The following TTN variants were observed in gnomAD, a reference collection of about 807,000 sequenced individuals.
TTN encodes the protein titin.
In TTN, 1,525 loss-of-function variants were observed where a neutral mutation model predicts 3,223.0. The observed-to-expected ratio is 0.47, with a 90% CI of 0.45 to 0.49. The LOEUF (loss-of-function observed/expected upper bound fraction) is 0.49, where lower values mean the gene tolerates loss of function less well. Ranked by LOEUF, TTN falls within the 20% of genes least tolerant of loss-of-function variation. The probability of loss-of-function intolerance (pLI) is 0.00; values close to 1 mark genes in which losing one functional copy is unlikely to be tolerated. For missense variants in TTN, 40,786 were observed against 43,424.0 expected (o/e 0.94, Z 5.40); for synonymous variants, 14,094 against 15,161.0 (o/e 0.93, Z 5.17).
At chr2:178,697,763 A>G (rs528867623) in intron 112 of TTN, among the ~76,000 whole-genome samples, 1 of 152,328 alleles carries the variant, frequency 6.6e-6, no homozygotes, top group East Asian at 1.9e-4. Flanking sequence ...GGATATATTG[A>G]AAGTTAAAGT....
chr2:178,566,791 T>C lies in TTN; in HGVS notation c.79341A>G (p.Arg26447=). 1 of 1,613,426 alleles carries C rather than the reference T, an allele frequency of 6.2e-7. No homozygotes were observed. The highest frequency in any genetic ancestry group is 8.5e-7 in the Non-Finnish European group (1 of 1,179,694). ...NKRRITDLRL[R]VTGLTEDHEY... ...CATGATCTTCTGTTAATCCTGTCACTCTTAGACGCAAATCTGTAATGCGGC... is the reference window on the plus strand; with the variant it reads ...CATGATCTTCTGTTAATCCTGTCACCCTTAGACGCAAATCTGTAATGCGGC... Residue 26447 remains arginine, a synonymous_variant, in exon 326 of 363, where the codon AGA becomes AGG. Transcript: ENST00000589042.
intron 210 of TTN, 124 bp from the exon 211 acceptor site, chr2:178,650,018 T>C: frequency 7.6e-7 from 1 of 1,316,404 alleles, no homozygotes; most frequent in Admixed American, 2.4e-5. Flanking sequence ...GGGTCCAAAG[T>C]TTTATGTGTA....
In TTN at chr2:178,718,795, C is replaced by T. The variant is rs1157930943; in HGVS notation, c.24405G>A (p.Leu8135=). 1.2e-6 allele frequency: 2 copies of T among 1,613,660 alleles called. No individual in the cohort carries two copies. The highest frequency in any genetic ancestry group is 2.2e-5 in the East Asian group (1 of 44,870). The change falls in exon 84 of 363, where the codon CTG becomes CTA. Residue 8135 remains leucine, a synonymous_variant. Transcript: ENST00000589042. ...NISLEDFVTE[L]ELFEVQPLES... is the part of the protein sequence containing the mutation. ...CTAATGGCTGCACCTCAAACAACTC[C>T]AGTTCTGTGACAAAATCTTCCAGAG...
intron 160 of TTN, 47 bp downstream of exon 160, chr2:178,667,591 G>A (rs2066196697): frequency 1.3e-6 from 2 of 1,577,078 alleles, no homozygotes. Context: ...TTTTAAAAGG[G>A]GCCAAAAAAT....
intron 259 of TTN, 78 bp from the exon 260 acceptor site, chr2:178,615,046 A>T: frequency 7.8e-7 from 1 of 1,282,068 alleles, no homozygotes; most frequent in South Asian, 1.4e-5. Context: ...ATCTTTCAAA[A>T]ATTCAAACCC....
At chr2:178,778,734 G>T in intron 24 of TTN, 140 bp downstream of exon 24, 1 of 1,196,654 alleles carries the variant, frequency 8.4e-7, no homozygotes. Flanking sequence ...AAAACTTCTG[G>T]CAATTGTTGG....
chr2:178,551,043 T>TCCAACAGC lies in TTN; in HGVS notation c.91487_91488insGCTGTTGG (p.Ile30496MetfsTer13). 6.2e-7 allele frequency: 1 copy of TCCAACAGC among 1,613,416 alleles called. No homozygotes were observed. The highest frequency in any genetic ancestry group is 8.5e-7 in the Non-Finnish European group (1 of 1,179,622). ...TAGTTCCAACAGCATTTCTTGCAAT[T>TCCAACAGC]ATTCTGAACTCATAGCGATCCCCAG... is the stretch of plus-strand genomic sequence containing the variant. On this transcript the variant is annotated frameshift_variant, in exon 336 of 363. Coordinates refer to ENST00000589042, the MANE Select transcript of TTN (RefSeq NM_001267550.2). LOFTEE classifies it high-confidence loss of function.
At chr2:178,779,838 G>A in intron 22 of TTN, 162 bp downstream of exon 22, 4 of 667,694 alleles carry the variant, frequency 6.0e-6, no homozygotes, top group Non-Finnish European at 1.0e-5. Flanking sequence ...AAACTCACAG[G>A]TGCAACATAC....
chr2:178,758,004 T>C, intron 44 of TTN, 88 bp from the exon 45 acceptor site: 3 of 1,396,246 alleles, frequency 2.1e-6, no homozygotes, highest in Non-Finnish European at 2.9e-6. Flanking sequence ...GTCACAAATT[T>C]CAATAATGGA....
intron 18 of TTN, 49 bp from the exon 19 acceptor site, chr2:178,782,651 C>T (rs1346651269): frequency 6.2e-7 from 1 of 1,608,368 alleles, no homozygotes; most frequent in Non-Finnish European, 8.5e-7. Context: ...TTAGTGACCC[C>T]TGCTTAGCAC....
In TTN at chr2:178,701,393, C is replaced by T. The variant is rs2074967400; in HGVS notation, c.30598+135G>A. 4 of 1,031,702 alleles carry T rather than the reference C, an allele frequency of 3.9e-6. No homozygotes were observed. In the African/African-American group the frequency reaches 4.9e-5, roughly 13 times the overall value. 63.9% of individuals were successfully genotyped at this position (1,031,702 alleles called of 1,614,324 possible). A position where few individuals can be genotyped will look rare whatever the true frequency, so the allele number is the denominator to read the frequency against. On this transcript the variant is annotated intron_variant, in intron 110 of 362. Coordinates refer to ENST00000589042, the MANE Select transcript of TTN (RefSeq NM_001267550.2). ...TTTTTTTTACTTTAATTTCTAATTG[C>T]TCACTGAAGAATATGACATGGAAGG...
rs755611206 is a variant in TTN at position 178,619,801 on chromosome 2, C to G, written c.46516G>C (p.Asp15506His). 3.3e-5 allele frequency: 53 copies of G among 1,612,180 alleles called. No individual in the cohort carries two copies. The highest frequency in any genetic ancestry group is 4.2e-5 in the Non-Finnish European group (50 of 1,178,910). Reference protein sequence around the residue: ...DVVFLAELNKDKVEVQWLRNN... With the variant: ...DVVFLAELNKHKVEVQWLRNN... Reference sequence around the variant, plus strand: ...CTTAGCCATTGGACTTCCACCTTATCTTTATTGAGTTCTGCTAAAAAGACA... The same window carrying G: ...CTTAGCCATTGGACTTCCACCTTATGTTTATTGAGTTCTGCTAAAAAGACA... Residue 15506 changes from aspartate to histidine, a missense_variant, in exon 250 of 363, where the codon GAT becomes CAT. Transcript: ENST00000589042.
chr2:178,598,147 AT>A, intron 292 of TTN, 89 bp from the exon 293 acceptor site: 1 of 1,422,032 alleles, frequency 7.0e-7, no homozygotes, highest in Non-Finnish European at 9.5e-7. Flanking sequence ...CCAGCAGCCT[AT>A]TTAACTGTTT....
At position 178,775,141 on chromosome 2, in the gene TTN, A is replaced by G. The variant is rs1187196777; in HGVS notation, c.6570T>C (p.Thr2190=). 3 of 1,613,878 alleles carry G rather than the reference A, an allele frequency of 1.9e-6. No homozygotes were observed. In the African/African-American group the frequency reaches 4.0e-5, roughly 22 times the overall value. Residue 2190 remains threonine (T), a synonymous_variant, in exon 29 of 363, where the codon ACT becomes ACC. Coordinates refer to ENST00000589042, the MANE Select transcript of TTN (RefSeq NM_001267550.2). ...AAGTTTCACATTCAAAGGTTGCCAT[A>G]GTGTCTTTTTCCTTAGCAACAACAT... is the stretch of plus-strand genomic sequence containing the variant. The part of the protein sequence containing the change: ...LQDVVAKEKD[T]MATFECETSE...
At position 178,539,070 on chromosome 2, in the gene TTN, TGTG is replaced by T. The variant is rs1461053159; in HGVS notation, c.98862_98864del (p.Thr32955del). 3 of 1,613,644 alleles carry T rather than the reference TGTG, an allele frequency of 1.9e-6. No individual in the cohort carries two copies. The highest frequency in any genetic ancestry group is 1.6e-4 in the Middle Eastern group (1 of 6,084). On this transcript the variant is annotated inframe_deletion, in exon 353 of 363. Coordinates refer to ENST00000589042, the MANE Select transcript of TTN (RefSeq NM_001267550.2). The stretch of plus-strand genomic sequence containing the variant: ...GAACAAGCCCTGTGACAGTGTACAT[TGTG>T]GTGGTGATCTGAGTCTTGTTGTGTC...
chr2:178,584,421 A>G lies in TTN; in HGVS notation c.65130T>C (p.Asn21710=), dbSNP rs752492828. ...ATTCAGTTGACCGGACAAGAGTATCATTGGCTTTCACCCACAGCAAACTGT... is the reference window on the plus strand; with the variant it reads ...ATTCAGTTGACCGGACAAGAGTATCGTTGGCTTTCACCCACAGCAAACTGT... ...ERNSLLWVKA[N]DTLVRSTEYP... The change falls in exon 311 of 363, where the codon AAT becomes AAC. Residue 21710 remains asparagine (N), a synonymous_variant. Transcript: ENST00000589042. 4.3e-6 allele frequency: 7 copies of G among 1,613,212 alleles called. No homozygotes were observed. The African/African-American group carries it at 5.3e-5, about 12-fold the overall frequency.
intron 241 of TTN, 146 bp from the exon 242 acceptor site, chr2:178,624,877 C>T (rs2058796777): frequency 2.2e-6 from 2 of 894,814 alleles, no homozygotes. Flanking sequence ...ACATTTTCCT[C>T]TAAAAATGAT....
chr2:178,543,730 T>A lies in TTN; in HGVS notation c.96311-68A>T. 7 of 1,516,608 alleles carry A rather than the reference T, an allele frequency of 4.6e-6. No individual in the cohort carries two copies. In the South Asian group the frequency reaches 7.8e-5, roughly 17 times the overall value. The allele number at this position is 1,516,608 out of a possible 1,614,324, so 93.9% of individuals were successfully genotyped here. ...TAGCTTTTTTTTTCTTGGGGAAATA[T>A]AATCAACATAGTTCCTTTCTAGAGA... is the stretch of plus-strand genomic sequence containing the variant. On this transcript the variant is annotated intron_variant, in intron 346 of 362. Coordinates refer to ENST00000589042, the MANE Select transcript of TTN (RefSeq NM_001267550.2).
intron 20 of TTN, among the ~76,000 whole-genome samples, chr2:178,781,675 T>C (rs1429243858): frequency 6.6e-6 from 1 of 152,218 alleles, no homozygotes; most frequent in African/African-American, 2.4e-5. Flanking sequence ...GTACATTATA[T>C]TTATTATTAT....
Sources: gnomAD v4.1 joint callset for allele counts (sites outside exome capture counted in the v4.1 genomes callset) on GRCh38, gnomAD v4.1.1 for gene constraint, MANE v1.5 for transcripts, NCBI Gene and HGNC (gene_info 2026-07-23, HGNC 2026-07-21) for gene names.